Variants in L2HGDH observed in about 807,000 individuals in gnomAD.
L2HGDH encodes the protein L-2-hydroxyglutarate dehydrogenase.
In L2HGDH, 34 loss-of-function variants were observed where a neutral mutation model predicts 51.5. The observed-to-expected ratio is 0.66, with a 90% CI of 0.50 to 0.88. The LOEUF (loss-of-function observed/expected upper bound fraction) is 0.88. L2HGDH is among the 40% of genes least tolerant of loss of function. The pLI, the probability that L2HGDH is intolerant of heterozygous loss-of-function variation, is 0.00. For synonymous variants in L2HGDH, 198 were observed against 197.9 expected (o/e 1.00, Z -0.01); for missense variants, 558 against 571.9 (o/e 0.98, Z 0.25).
chr14:50,242,444 A>G lies in L2HGDH; in HGVS notation c.*4614T>C. 3.1e-6 allele frequency: 3 copies of G among 982,738 alleles called. No individual in the cohort carries two copies. Among genetic ancestry groups the G allele is most frequent in the Non-Finnish European group, 3.6e-6 (3 of 827,466 alleles). 60.9% of individuals were successfully genotyped at this position (982,738 alleles called of 1,614,324 possible). A position where few individuals can be genotyped will look rare whatever the true frequency, so the allele number is the denominator to read the frequency against. On this transcript the variant is annotated 3_prime_UTR_variant, in exon 10 of 10. Coordinates refer to ENST00000267436, the MANE Select transcript of L2HGDH (RefSeq NM_024884.3). ...AGGGACAAAAGAAACTTAAAATAAG[A>G]TAACTTTAATGTGAGATCCTTCCCA...
In L2HGDH at chr14:50,243,649, T is replaced by C. The variant is rs1887881263; in HGVS notation, c.*3409A>G. 1 of 416,858 alleles carries C rather than the reference T, an allele frequency of 2.4e-6. No individual in the cohort carries two copies. The highest frequency in any genetic ancestry group is 2.4e-5 in the African/African-American group (1 of 41,106). The allele number at this position is 416,858 out of a possible 1,614,324, so 25.8% of individuals were successfully genotyped here. ...ACTTTCAACAAATTTTTCATTTTTA[T>C]TTTTCAGGGTATTTTATATATATAT... On this transcript the variant is annotated 3_prime_UTR_variant, in exon 10 of 10. Transcript: ENST00000267436.
rs369246228 is a variant in L2HGDH, at chr14:50,265,536, T to C, written c.1065-47A>G. The C allele has an allele frequency of 2.4e-4, 351 of 1,471,264 alleles. No homozygotes were observed. In the African/African-American group the frequency reaches 3.5e-3, roughly 15 times the overall value. The allele number at this position is 1,471,264 out of a possible 1,614,324, so 91.1% of individuals were successfully genotyped here. On this transcript the variant is annotated intron_variant, in intron 8 of 9. Coordinates refer to ENST00000267436, the MANE Select transcript of L2HGDH (RefSeq NM_024884.3). Reference sequence around the variant, plus strand: ...CTTTATGAGAGAAAGGAATTCTTTATTACGTAAAATACCTTTATAATTATT... The same window carrying C: ...CTTTATGAGAGAAAGGAATTCTTTACTACGTAAAATACCTTTATAATTATT...
intron 6 of L2HGDH, among the ~76,000 whole-genome samples, chr14:50,274,102 A>G (rs1595097637): frequency 1.3e-5 from 2 of 151,080 alleles, no homozygotes; most frequent in East Asian, 3.9e-4. Flanking sequence ...ATAAAATAAG[A>G]TAAAATAAAT....
chr14:50,295,842 G>A (rs905122040), intron 3 of L2HGDH, among the ~76,000 whole-genome samples: 1 of 150,036 alleles, frequency 6.7e-6, no homozygotes, highest in Non-Finnish European at 1.5e-5. Flanking sequence ...AGGTTCAAAC[G>A]ATTCTCCTGC....
chr14:50,268,236 T>C (rs1290458185), intron 7 of L2HGDH, among the ~76,000 whole-genome samples: 1 of 151,656 alleles, frequency 6.6e-6, no homozygotes, highest in African/African-American at 2.4e-5. Flanking sequence ...AAAATTAGCC[T>C]GGCGTGGTGG....
rs895424787 is a variant in L2HGDH at position 50,243,197 on chromosome 14, T to TA, written c.*3860dup. 2.0e-6 allele frequency: 2 copies of TA among 985,238 alleles called. No homozygotes were observed. Among genetic ancestry groups the TA allele is most frequent in the African/African-American group, 3.5e-5 (2 of 57,232 alleles). The allele number at this position is 985,238 out of a possible 1,614,324, so 61.0% of individuals were successfully genotyped here. A position where few individuals can be genotyped will look rare whatever the true frequency, so the allele number is the denominator to read the frequency against. On this transcript the variant is annotated 3_prime_UTR_variant, in exon 10 of 10. Transcript: ENST00000267436. ...TTTGATATACACATATATGTATGGA[T>TA]AAAAGAGTTAAGCTACGTAACATGA... is the stretch of plus-strand genomic sequence containing the variant.
chr14:50,249,344 T>G (rs1888200788), intron 9 of L2HGDH, among the ~76,000 whole-genome samples: 1 of 151,782 alleles, frequency 6.6e-6, no homozygotes. Flanking sequence ...GCTAAAAGAG[T>G]GCTTGCATCA....
chr14:50,310,165 T>C (rs916414042), intron 1 of L2HGDH, among the ~76,000 whole-genome samples: 3 of 152,172 alleles, frequency 2.0e-5, no homozygotes, highest in African/African-American at 4.8e-5. Context: ...TGTACTATAG[T>C]TATATAAGAT....
intron 4 of L2HGDH, among the ~76,000 whole-genome samples, chr14:50,284,544 T>G (rs1471534675): frequency 6.6e-6 from 1 of 152,252 alleles, no homozygotes; most frequent in Admixed American, 6.5e-5. Context: ...CATCAATCTG[T>G]AGATGAATGA....
chr14:50,305,903 T>A (rs1167828603), intron 1 of L2HGDH, among the ~76,000 whole-genome samples: 1 of 152,238 alleles, frequency 6.6e-6, no homozygotes, highest in Non-Finnish European at 1.5e-5. Flanking sequence ...TACTACATAG[T>A]ACCATGTAAA....
chr14:50,299,282 C>G (rs2030265289), intron 3 of L2HGDH, among the ~76,000 whole-genome samples: 1 of 152,078 alleles, frequency 6.6e-6, no homozygotes, highest in Non-Finnish European at 1.5e-5. Flanking sequence ...ATGAAGAAAT[C>G]CAAAACCTGA....
chr14:50,249,410 GGAGCAAA>G (rs1244621747), intron 9 of L2HGDH, among the ~76,000 whole-genome samples: 2 of 152,306 alleles, frequency 1.3e-5, no homozygotes, highest in African/African-American at 4.8e-5. Context: ...TTCTGCTTAA[GGAGCAAA>G]GAGCAAAGAG....
chr14:50,279,823 G>A (rs1448729207), intron 5 of L2HGDH, among the ~76,000 whole-genome samples: 1 of 152,124 alleles, frequency 6.6e-6, no homozygotes, highest in East Asian at 1.9e-4. Flanking sequence ...AACTTTGGGA[G>A]GCCGAAGTGG....
At chr14:50,305,988 A>G (rs955065566) in intron 1 of L2HGDH, among the ~76,000 whole-genome samples, 1 of 150,762 alleles carries the variant, frequency 6.6e-6, no homozygotes, top group Admixed American at 6.6e-5. Context: ...ATTTTGATCC[A>G]TAGTTGGTTG....
At chr14:50,252,617 C>T (rs1888430002) in intron 9 of L2HGDH, among the ~76,000 whole-genome samples, 1 of 151,758 alleles carries the variant, frequency 6.6e-6, no homozygotes, top group African/African-American at 2.4e-5. Context: ...GAAAAAAGAG[C>T]AGGAATAGCT....
intron 9 of L2HGDH, among the ~76,000 whole-genome samples, chr14:50,251,981 C>T (rs1664294192): frequency 6.6e-6 from 1 of 151,794 alleles, no homozygotes. Flanking sequence ...TAGTATAACA[C>T]TATAATTGTG....
At chr14:50,283,840 A>G in intron 5 of L2HGDH, 31 bp downstream of exon 5, 1 of 1,600,862 alleles carries the variant, frequency 6.2e-7, no homozygotes. Context: ...AGGGCTGACT[A>G]TATTCAATAG....
At chr14:50,286,475 C>T (rs1427999556) in intron 4 of L2HGDH, among the ~76,000 whole-genome samples, 1 of 152,176 alleles carries the variant, frequency 6.6e-6, no homozygotes, top group African/African-American at 2.4e-5. Context: ...CTAAGAAGCT[C>T]TTTAGAGCTG....
Position 50,258,792 on chromosome 14 carries a change from C to T in L2HGDH, c.1196+6566G>A, listed in dbSNP as rs371737571. ...CCTCCCAAAGTGCTAGGATTGCAGG[C>T]GTGAGCCCATGGTGCCTGACCTATT... On this transcript the variant is annotated intron_variant, in intron 9 of 9. Coordinates refer to ENST00000267436, the MANE Select transcript of L2HGDH (RefSeq NM_024884.3). Among the ~76,000 whole-genome samples the T allele has an allele frequency of 8.9e-4, 136 of 152,072 alleles. 3 individuals carry two copies. The South Asian group carries it at 0.027, about 30-fold the overall frequency.
Sources: gnomAD v4.1 joint callset for allele counts (sites outside exome capture counted in the v4.1 genomes callset) on GRCh38, gnomAD v4.1.1 for gene constraint, MANE v1.5 for transcripts, NCBI Gene and HGNC (gene_info 2026-07-23, HGNC 2026-07-21) for gene names.